MYRIP: variants seen among roughly 807,000 people sequenced by gnomAD.
MYRIP encodes myosin VIIA and Rab interacting protein.
Under a neutral mutation model 98.0 loss-of-function variants are expected in MYRIP, and 49 were observed. The ratio of observed to expected loss-of-function variants is 0.50; its 90% CI spans 0.40 to 0.63. The LOEUF is 0.63. Among genes scored for constraint, MYRIP ranks in the 30% least tolerant of loss-of-function variants. The probability of loss-of-function intolerance (pLI) is 0.00; values close to 1 mark genes in which losing one functional copy is unlikely to be tolerated. For synonymous variants in MYRIP, 404 were observed against 409.5 expected (o/e 0.99, Z 0.16); for missense variants, 1,004 against 1,058.2 (o/e 0.95, Z 0.71).
chr3:39,941,567 G>A (rs562982477), intron 2 of MYRIP, among the ~76,000 whole-genome samples: 7 of 151,018 alleles, frequency 4.6e-5, no homozygotes, highest in Non-Finnish European at 1.0e-4. Flanking sequence ...TAAGCAAATT[G>A]GCATTCTATA....
At chr3:39,960,594 G>T (rs1326789570) in intron 2 of MYRIP, among the ~76,000 whole-genome samples, 1 of 152,098 alleles carries the variant, frequency 6.6e-6, no homozygotes, top group Non-Finnish European at 1.5e-5. Context: ...TATTAAGACA[G>T]CACTATTTCT....
intron 10 of MYRIP, among the ~76,000 whole-genome samples, chr3:40,204,486 A>G (rs1485818755): frequency 6.6e-6 from 1 of 151,434 alleles, no homozygotes; most frequent in Admixed American, 6.6e-5. Flanking sequence ...CTGGCCACAC[A>G]CTACATTTAA....
At chr3:40,151,758 G>A (rs898885830) in intron 4 of MYRIP, among the ~76,000 whole-genome samples, 3 of 152,178 alleles carry the variant, frequency 2.0e-5, no homozygotes, top group African/African-American at 7.2e-5. Flanking sequence ...TATTAGATCA[G>A]CCAGTAGAAA....
chr3:40,136,689 A>C (rs538177331), intron 3 of MYRIP, among the ~76,000 whole-genome samples: 1 of 152,202 alleles, frequency 6.6e-6, no homozygotes, highest in African/African-American at 2.4e-5. Context: ...ACTGTCTCTC[A>C]GACCACAGTG....
chr3:40,081,348 AAC>A (rs1266899391), intron 3 of MYRIP, among the ~76,000 whole-genome samples: 2 of 152,214 alleles, frequency 1.3e-5, no homozygotes, highest in African/African-American at 4.8e-5. Context: ...AATCTACCCT[AAC>A]AATAATTTGT....
chr3:40,154,213 C>T (rs1011337036), intron 4 of MYRIP, among the ~76,000 whole-genome samples: 2 of 152,114 alleles, frequency 1.3e-5, no homozygotes, highest in African/African-American at 2.4e-5. Flanking sequence ...ATACACACCT[C>T]GTACTGCCAT....
In MYRIP at chr3:40,060,141, G is replaced by A. The variant is rs573649133; in HGVS notation, c.332+15870G>A. On this transcript the variant is annotated intron_variant, in intron 3 of 16. Transcript: ENST00000302541. ...TCAACTGCCAAACATCAAAAATTGA[G>A]TCTTTTTAAAAAAAAAAATTTTACA... Among the ~76,000 whole-genome samples the A allele has an allele frequency of 1.3e-4, 20 of 152,060 alleles. No homozygotes were observed. The South Asian group carries it at 4.2e-3, about 32-fold the overall frequency.
At chr3:39,973,761 C>T (rs1323102405) in intron 2 of MYRIP, among the ~76,000 whole-genome samples, 1 of 152,194 alleles carries the variant, frequency 6.6e-6, no homozygotes. Flanking sequence ...CAAAACCGCC[C>T]AACTACATGG....
intron 4 of MYRIP, among the ~76,000 whole-genome samples, chr3:40,159,688 T>A (rs376425048): frequency 6.6e-6 from 1 of 152,170 alleles, no homozygotes; most frequent in Non-Finnish European, 1.5e-5. Flanking sequence ...GAGGCTTTGC[T>A]CATTTCTTTT....
At chr3:39,974,884 T>C (rs932025597) in intron 2 of MYRIP, among the ~76,000 whole-genome samples, 10 of 152,226 alleles carry the variant, frequency 6.6e-5, no homozygotes, top group Admixed American at 6.5e-4. Flanking sequence ...AAATTAGGTA[T>C]GGATGGGACG....
In MYRIP at chr3:39,829,936, C is replaced by T. The variant is rs569179663; in HGVS notation, c.-31+20020C>T. Among the ~76,000 whole-genome samples, 6 of 152,254 alleles carry T rather than the reference C, an allele frequency of 3.9e-5. No individual in the cohort carries two copies. In the East Asian group the frequency reaches 1.2e-3, roughly 29 times the overall value. On this transcript the variant is annotated intron_variant, in intron 1 of 16. Coordinates refer to ENST00000302541, the MANE Select transcript of MYRIP (RefSeq NM_015460.4). ...TCTTTACCTTTTCTGCTCAAATTAT[C>T]TCTCCTCCACCTGGCCCTGCCACTC...
intron 3 of MYRIP, among the ~76,000 whole-genome samples, chr3:40,123,352 G>T (rs535445363): frequency 6.6e-6 from 1 of 152,148 alleles, no homozygotes; most frequent in East Asian, 1.9e-4. Context: ...ATTGTCCTTT[G>T]GTCAAGAGAC....
chr3:40,018,004 G>A (rs1366065823), intron 2 of MYRIP, among the ~76,000 whole-genome samples: 1 of 152,102 alleles, frequency 6.6e-6, no homozygotes. Context: ...TGAGAGAATT[G>A]AGACCTCTAT....
intron 2 of MYRIP, among the ~76,000 whole-genome samples, chr3:39,996,413 A>G (rs1450946868): frequency 6.6e-6 from 1 of 152,248 alleles, no homozygotes; most frequent in Non-Finnish European, 1.5e-5. Flanking sequence ...CTTTAAACCA[A>G]CAAAGATCAA....
chr3:40,190,894 T>C (rs919297852), intron 10 of MYRIP, among the ~76,000 whole-genome samples: 12 of 152,202 alleles, frequency 7.9e-5, no homozygotes, highest in African/African-American at 2.9e-4. Flanking sequence ...CAGATCCAAC[T>C]GTGTGGCCTT....
At chr3:40,213,543 G>A (rs1408013978) in intron 11 of MYRIP, among the ~76,000 whole-genome samples, 1 of 151,908 alleles carries the variant, frequency 6.6e-6, no homozygotes, top group African/African-American at 2.4e-5. Flanking sequence ...CAGACCCCTA[G>A]GTTACCATCT....
chr3:40,044,694 A>G (rs1028376187), intron 3 of MYRIP, among the ~76,000 whole-genome samples: 2 of 152,186 alleles, frequency 1.3e-5, no homozygotes, highest in African/African-American at 4.8e-5. Context: ...GTGATACGTA[A>G]GTGCTGGGCC....
chr3:39,996,848 G>A (rs1946371794), intron 2 of MYRIP, among the ~76,000 whole-genome samples: 2 of 152,172 alleles, frequency 1.3e-5, no homozygotes, highest in South Asian at 2.1e-4. Context: ...AGACCACAGT[G>A]CAATCAAACT....
At chr3:39,858,645 A>C (rs9855447) in intron 1 of MYRIP, among the ~76,000 whole-genome samples, 1 of 152,122 alleles carries the variant, frequency 6.6e-6, no homozygotes, top group Non-Finnish European at 1.5e-5. Flanking sequence ...TTAGGCCACA[A>C]AAAAAGTTGT....
Sources: gnomAD v4.1 joint callset for allele counts (sites outside exome capture counted in the v4.1 genomes callset) on GRCh38, gnomAD v4.1.1 for gene constraint, MANE v1.5 for transcripts, NCBI Gene and HGNC (gene_info 2026-07-23, HGNC 2026-07-21) for gene names.